RS1: variants seen among roughly 807,000 people sequenced by gnomAD.
The protein encoded by RS1 is retinoschisin 1.
RS1 carries 2 observed loss-of-function variants against 20.8 expected under a neutral mutation model. The observed-to-expected ratio is 0.10, with a 90% CI of 0.04 to 0.30. The LOEUF (loss-of-function observed/expected upper bound fraction) is 0.30. Ranked by LOEUF, RS1 falls within the 10% of genes least tolerant of loss-of-function variation. The pLI is 1.00. For synonymous variants in RS1, 70 were observed against 75.8 expected, an observed-to-expected ratio of 0.92 and a Z score of 0.40; for missense variants, 151 against 189.8, an observed-to-expected ratio of 0.80 and a Z score of 1.20.
intron 1 of RS1, among the ~76,000 whole-genome samples, chrX:18,667,777 A>C (rs1036426599): frequency 4.6e-4 from 51 of 111,075 alleles, no homozygotes; most frequent in African/African-American, 1.7e-3. Flanking sequence ...TTTTGGACCC[A>C]TTTCTTGCAT....
chrX:18,665,591 C>T (rs1379817169), intron 1 of RS1, among the ~76,000 whole-genome samples: 14 of 110,786 alleles, frequency 1.3e-4, no homozygotes, highest in Admixed American at 1.9e-4. Context: ...GTTTCCTGGC[C>T]GGACGCAGTG....
rs1211411564 is a variant in RS1, at chrX:18,653,499, T to C, written c.184+3154A>G. ...TTCACAGGGCCCAGGTAAACCAAGCTGCGCTCCTGACATACCATGAGAATG... is the reference window on the plus strand; with the variant it reads ...TTCACAGGGCCCAGGTAAACCAAGCCGCGCTCCTGACATACCATGAGAATG... On this transcript the variant is annotated intron_variant, in intron 3 of 5. Coordinates refer to ENST00000379984, the MANE Select transcript of RS1 (RefSeq NM_000330.4). 8.3e-7 allele frequency: 1 copy of C among 1,211,887 alleles called. No individual in the cohort carries two copies. Among genetic ancestry groups the C allele is most frequent in the Non-Finnish European group, 1.1e-6 (1 of 895,578 alleles).
intron 1 of RS1, among the ~76,000 whole-genome samples, chrX:18,663,180 C>T (rs768915800): frequency 5.9e-4 from 64 of 108,110 alleles, no homozygotes; most frequent in African/African-American, 2.0e-3. Context: ...CTGGGATTAC[C>T]GGCATGCGCC....
chrX:18,664,459 C>G (rs953078157), intron 1 of RS1, among the ~76,000 whole-genome samples: 8 of 111,721 alleles, frequency 7.2e-5, no homozygotes, highest in African/African-American at 2.6e-4. Flanking sequence ...GAAACCCTGG[C>G]TCTACTAAAG....
chrX:18,658,445 G>GT (rs1178646466), intron 1 of RS1, among the ~76,000 whole-genome samples: 3 of 109,846 alleles, frequency 2.7e-5, no homozygotes, highest in Admixed American at 9.8e-5. Context: ...GTTTTTCTGT[G>GT]TTTTTTTTCT....
intron 3 of RS1, among the ~76,000 whole-genome samples, chrX:18,652,786 C>T (rs1928107885): frequency 1.8e-5 from 2 of 112,706 alleles, no homozygotes; most frequent in South Asian, 7.3e-4. Context: ...ACTCATTTCA[C>T]CCTTAGGGAA....
Position 18,650,511 on chromosome X carries a change from C to G in RS1, c.185-3179G>C, listed in dbSNP as rs769305518. 3 of 1,210,651 alleles carry G rather than the reference C, an allele frequency of 2.5e-6. No individual in the cohort carries two copies. The highest frequency in any genetic ancestry group is 1.1e-6 in the Non-Finnish European group (1 of 895,260). On this transcript the variant is annotated intron_variant, in intron 3 of 5. Transcript: ENST00000379984. ...CTCCAGTCCTGCTCCCTATCCAGTACTCCAGGTCCGAGGCACTTCCATGTG... is the reference window on the plus strand; with the variant it reads ...CTCCAGTCCTGCTCCCTATCCAGTAGTCCAGGTCCGAGGCACTTCCATGTG...
chrX:18,645,958 G>A (rs1237293658), intron 4 of RS1: 1 of 1,209,607 alleles, frequency 8.3e-7, no homozygotes, highest in Non-Finnish European at 1.1e-6. Context: ...TGTTCTTAAA[G>A]GCAAGTCATG....
intron 1 of RS1, among the ~76,000 whole-genome samples, chrX:18,660,839 GGA>G (rs1461613496): frequency 4.5e-5 from 5 of 112,079 alleles, no homozygotes. Context: ...TGAGGACCCA[GGA>G]GAAGACAGGC....
At chrX:18,646,154 T>A in intron 4 of RS1, 1 of 1,200,791 alleles carries the variant, frequency 8.3e-7, no homozygotes, top group Non-Finnish European at 1.1e-6. Flanking sequence ...GAATGAAACT[T>A]TTTTTTTTCC....
At chrX:18,670,347 T>C (rs1928473430) in intron 1 of RS1, among the ~76,000 whole-genome samples, 1 of 104,609 alleles carries the variant, frequency 9.6e-6, no homozygotes, top group Non-Finnish European at 1.9e-5. Context: ...CGCTTCAGCC[T>C]CCCCCGAGTA....
Position 18,653,488 on chromosome X carries a change from G to A in RS1, c.184+3165C>T, listed in dbSNP as rs753447480. Reference sequence around the variant, plus strand: ...GGAAGCCCTGATTCACAGGGCCCAGGTAAACCAAGCTGCGCTCCTGACATA... The same window carrying A: ...GGAAGCCCTGATTCACAGGGCCCAGATAAACCAAGCTGCGCTCCTGACATA... On this transcript the variant is annotated intron_variant, in intron 3 of 5. Coordinates refer to ENST00000379984, the MANE Select transcript of RS1 (RefSeq NM_000330.4). The A allele has an allele frequency of 2.5e-6, 3 of 1,211,673 alleles. No homozygotes were observed. The South Asian group carries it at 5.3e-5, about 21-fold the overall frequency.
At chrX:18,660,325 C>T (rs1467490561) in intron 1 of RS1, among the ~76,000 whole-genome samples, 1 of 108,622 alleles carries the variant, frequency 9.2e-6, no homozygotes, top group Non-Finnish European at 1.9e-5. Flanking sequence ...AAGCGATTCT[C>T]CTGCCTCAGC....
At chrX:18,650,819 G>A (rs953944463) in intron 3 of RS1, among the ~76,000 whole-genome samples, 2 of 112,373 alleles carry the variant, frequency 1.8e-5, no homozygotes, top group South Asian at 3.7e-4. Context: ...CAGCGTGTGC[G>A]CAGGCCAGTT....
At chrX:18,671,566 G>T (rs1188044665) in intron 1 of RS1, among the ~76,000 whole-genome samples, 2 of 111,425 alleles carry the variant, frequency 1.8e-5, no homozygotes, top group African/African-American at 3.3e-5. Context: ...AAACTAGGTT[G>T]ACCTTACACC....
rs182235697 is a variant in RS1, at chrX:18,658,513, T to C, written c.53-848A>G. On this transcript the variant is annotated intron_variant, in intron 1 of 5. Transcript: ENST00000379984. ...TCTTGTTGCCCAGGCTGGAGTACAA[T>C]GGCGCGATCTCGGCTCACTGCAACC... 3.4e-3 allele frequency among the ~76,000 whole-genome samples: 377 copies of C among 110,410 alleles called. 2 individuals carry two copies. The highest frequency in any genetic ancestry group is 0.012 in the African/African-American group (353 of 30,337).
At position 18,644,421 on chromosome X, in the gene RS1, C is replaced by T. The variant is rs1927692982; in HGVS notation, c.522+9G>A. Reference sequence around the variant, plus strand: ...GAGCTGAAGTTGGTTTGGGATAAGCCCAACTTACCCGGTTGTTTCCAGTCT... The same window carrying T: ...GAGCTGAAGTTGGTTTGGGATAAGCTCAACTTACCCGGTTGTTTCCAGTCT... On this transcript the variant is annotated intron_variant, in intron 5 of 5. Coordinates refer to ENST00000379984, the MANE Select transcript of RS1 (RefSeq NM_000330.4). The T allele has an allele frequency of 1.7e-6, 2 of 1,210,441 alleles. No homozygotes were observed. The highest frequency in any genetic ancestry group is 3.5e-5 in the African/African-American group (2 of 57,584).
At chrX:18,658,103 G>A (rs1191038262) in intron 1 of RS1, among the ~76,000 whole-genome samples, 1 of 111,484 alleles carries the variant, frequency 9.0e-6, no homozygotes, top group Non-Finnish European at 1.9e-5. Flanking sequence ...CTGGGAGGCG[G>A]AGGTTGCAGT....
intron 1 of RS1, among the ~76,000 whole-genome samples, chrX:18,665,980 T>C (rs1363065484): frequency 9.1e-6 from 1 of 110,199 alleles, no homozygotes; most frequent in Non-Finnish European, 1.9e-5. Context: ...GCCCACAGAT[T>C]ATAGAAACCC....
Sources: allele counts gnomAD v4.1 joint callset (sites outside exome capture counted in the v4.1 genomes callset), GRCh38; gene constraint gnomAD v4.1.1; transcripts MANE v1.5; gene names NCBI Gene and HGNC (gene_info 2026-07-23, HGNC 2026-07-21).